Variants in IL23R observed in about 807,000 individuals in gnomAD.
The protein encoded by IL23R is interleukin 23 receptor, also known as interleukin-23 receptor.
In IL23R, 34 loss-of-function variants were observed where a neutral mutation model predicts 56.9. The ratio of observed to expected loss-of-function variants is 0.60; its 90% CI spans 0.45 to 0.80. The LOEUF (loss-of-function observed/expected upper bound fraction) is 0.80, where lower values mean the gene tolerates loss of function less well. IL23R is among the 30% of genes least tolerant of loss of function. IL23R has a pLI of 0.00. For missense variants in IL23R, 635 were observed against 730.0 expected (o/e 0.87, Z 1.50); for synonymous variants, 230 against 249.2 (o/e 0.92, Z 0.73).
intron 1 of IL23R, among the ~76,000 whole-genome samples, chr1:67,167,073 G>A (rs1052021246): frequency 6.6e-5 from 10 of 152,036 alleles, no homozygotes; most frequent in African/African-American, 9.7e-5. Flanking sequence ...TGTTCCTTTC[G>A]CGTTCTCTAC....
At position 67,258,478 on chromosome 1, in the gene IL23R, G is replaced by A. The variant is rs771501924; in HGVS notation, c.1240G>A (p.Glu414Lys). 4 of 1,590,494 alleles carry A rather than the reference G, an allele frequency of 2.5e-6. No individual in the cohort carries two copies. Among genetic ancestry groups the A allele is most frequent in the Non-Finnish European group, 2.6e-6 (3 of 1,168,492 alleles). The change falls in exon 11 of 11, where the codon GAA (glutamate) becomes AAA (lysine). Residue 414 changes from glutamate (E) to lysine (K), a missense_variant and splice_region_variant. Glu to Lys is a moderately conservative substitution (Grantham distance 56). Coordinates refer to ENST00000347310, the MANE Select transcript of IL23R (RefSeq NM_144701.3). ...KNSNVVKMLQ[E>K]NSELMNNNSS... Reference sequence around the variant, plus strand: ...ATAAAATGATGTCTTTTTTTCCTAGGAAAATAGTGAACTTATGAATAATAA... The same window carrying A: ...ATAAAATGATGTCTTTTTTTCCTAGAAAAATAGTGAACTTATGAATAATAA...
At chr1:67,223,215 C>T (rs1650416030) in intron 7 of IL23R, among the ~76,000 whole-genome samples, 1 of 152,078 alleles carries the variant, frequency 6.6e-6, no homozygotes, top group African/African-American at 2.4e-5. Context: ...GATCCTGCCA[C>T]TGCACTCCAG....
chr1:67,150,248 C>CTTTTT (rs552806817), intron 1 of IL23R, among the ~76,000 whole-genome samples: 56 of 110,224 alleles, frequency 5.1e-4, no homozygotes, highest in African/African-American at 9.4e-4. Context: ...GCATTTCGAA[C>CTTTTT]TTTTTTTTTT....
At chr1:67,244,277 T>C (rs934614185) in intron 9 of IL23R, among the ~76,000 whole-genome samples, 1 of 152,234 alleles carries the variant, frequency 6.6e-6, no homozygotes, top group Admixed American at 6.5e-5. Context: ...TTCACTTTGA[T>C]GATAGTTTCT....
intron 3 of IL23R, among the ~76,000 whole-genome samples, chr1:67,181,418 A>T (rs973788334): frequency 6.6e-6 from 1 of 152,128 alleles, no homozygotes; most frequent in Non-Finnish European, 1.5e-5. Flanking sequence ...CTTCCAGTTG[A>T]TCGAATTGGC....
intron 6 of IL23R, 37 bp from the exon 7 acceptor site, chr1:67,219,537 C>G (rs200127683): frequency 5.2e-5 from 83 of 1,595,238 alleles, no homozygotes; most frequent in Non-Finnish European, 7.0e-5. Flanking sequence ...GTTTTAAAAG[C>G]ACACCACATT....
rs1651492448 is a variant in IL23R at position 67,236,644 on chromosome 1, C to A, written c.956-69C>A. 5.2e-6 allele frequency: 5 copies of A among 960,278 alleles called. No homozygotes were observed. In the Admixed American group the frequency reaches 8.5e-5, roughly 16 times the overall value. 59.5% of individuals were successfully genotyped at this position (960,278 alleles called of 1,614,324 possible). A position where few individuals can be genotyped will look rare whatever the true frequency, so the allele number is the denominator to read the frequency against. ...AGTCATCTCTAAACAAGGGAAGAAA[C>A]TCCGTTGGGAAATTTGGCAAGCAGA... On this transcript the variant is annotated intron_variant, in intron 7 of 10. Transcript: ENST00000347310.
At chr1:67,182,690 A>G (rs544732312) in intron 3 of IL23R, 146 bp from the exon 4 acceptor site, 7 of 820,306 alleles carry the variant, frequency 8.5e-6, no homozygotes, top group African/African-American at 6.7e-5. Flanking sequence ...CCGGTACCTC[A>G]GTTGGAAATG....
downstream of IL23R, among the ~76,000 whole-genome samples, chr1:67,262,583 C>T (rs1179437222): frequency 6.6e-6 from 1 of 152,198 alleles, no homozygotes; most frequent in Non-Finnish European, 1.5e-5. Context: ...TCCCGTACAA[C>T]TTGCCACTGA....
chr1:67,150,608 C>A (rs1558216111), intron 1 of IL23R, among the ~76,000 whole-genome samples: 1 of 126,660 alleles, frequency 7.9e-6, no homozygotes. Flanking sequence ...ATCTTATTTT[C>A]TTTTATGGCT....
intron 7 of IL23R, among the ~76,000 whole-genome samples, chr1:67,233,611 G>A (rs146523431): frequency 1.5e-4 from 23 of 152,202 alleles, no homozygotes; most frequent in East Asian, 5.8e-4. Flanking sequence ...CATATTTCTC[G>A]TTTGAGATCA....
At chr1:67,218,013 C>T (rs1649963685) in intron 6 of IL23R, among the ~76,000 whole-genome samples, 1 of 151,474 alleles carries the variant, frequency 6.6e-6, no homozygotes, top group African/African-American at 2.4e-5. Flanking sequence ...TATTTTATGT[C>T]TGCCTTTCAA....
At chr1:67,148,081 G>T (rs1646695583) in intron 1 of IL23R, among the ~76,000 whole-genome samples, 1 of 152,242 alleles carries the variant, frequency 6.6e-6, no homozygotes, top group Admixed American at 6.5e-5. Flanking sequence ...AGCTCGATTG[G>T]GATGAACCTG....
chr1:67,149,849 T>C (rs1016463499), intron 1 of IL23R, among the ~76,000 whole-genome samples: 2 of 152,340 alleles, frequency 1.3e-5, no homozygotes, highest in African/African-American at 4.8e-5. Context: ...GGTTAAGGTC[T>C]ATTTTAGTCT....
At chr1:67,263,558 T>G (rs1382335903), downstream of IL23R, among the ~76,000 whole-genome samples, 1 of 152,202 alleles carries the variant, frequency 6.6e-6, no homozygotes, top group Non-Finnish European at 1.5e-5. Flanking sequence ...AGCACATGAC[T>G]ATGGCATTGA....
chr1:67,192,870 C>G (rs1204060301), intron 4 of IL23R, among the ~76,000 whole-genome samples: 1 of 152,172 alleles, frequency 6.6e-6, no homozygotes, highest in Non-Finnish European at 1.5e-5. Flanking sequence ...TCCAGAGTCC[C>G]TTATTCATGA....
chr1:67,202,106 T>C (rs1036659391), intron 5 of IL23R, among the ~76,000 whole-genome samples: 3 of 152,258 alleles, frequency 2.0e-5, no homozygotes, highest in African/African-American at 7.2e-5. Flanking sequence ...GTCTGAATCA[T>C]CCTGTCTTTG....
intron 6 of IL23R, among the ~76,000 whole-genome samples, chr1:67,217,340 G>A (rs1302774727): frequency 1.3e-5 from 2 of 152,124 alleles, no homozygotes; most frequent in Non-Finnish European, 2.9e-5. Flanking sequence ...GAGGTATCAT[G>A]TTGTACTTGC....
intron 7 of IL23R, among the ~76,000 whole-genome samples, chr1:67,227,312 A>G (rs1278211005): frequency 1.3e-5 from 2 of 152,234 alleles, no homozygotes; most frequent in Non-Finnish European, 2.9e-5. Flanking sequence ...AGGTTCTATA[A>G]TTCCTTTAAT....
Sources: gnomAD v4.1 joint callset for allele counts (sites outside exome capture counted in the v4.1 genomes callset) on GRCh38, gnomAD v4.1.1 for gene constraint, MANE v1.5 for transcripts, NCBI Gene and HGNC (gene_info 2026-07-23, HGNC 2026-07-21) for gene names.